PCNX2: variants seen among roughly 807,000 people sequenced by gnomAD.
PCNX2 encodes the protein pecanex-like protein 2.
In PCNX2, 168 loss-of-function variants were observed where a neutral mutation model predicts 223.8. The observed-to-expected ratio is 0.75, with a 90% confidence interval of 0.66 to 0.85. The LOEUF is 0.85. Among genes scored for constraint, PCNX2 ranks in the 40% least tolerant of loss-of-function variants. The pLI, the probability that PCNX2 is intolerant of heterozygous loss-of-function variation, is 0.00. For synonymous variants in PCNX2, 1,006 were observed against 1,052.6 expected, an observed-to-expected ratio of 0.96 and a Z score of 0.86; for missense variants, 2,507 against 2,675.5, an observed-to-expected ratio of 0.94 and a Z score of 1.39.
chr1:233,096,517 T>G (rs75426484), intron 21 of PCNX2, among the ~76,000 whole-genome samples: 2,552 of 152,104 alleles, frequency 0.017, 30 homozygotes, highest in East Asian at 0.044. Flanking sequence ...TGTCTTTAGA[T>G]CTCTGCATTG....
At chr1:233,243,699 T>C (rs1450332669) in intron 8 of PCNX2, among the ~76,000 whole-genome samples, 1 of 152,228 alleles carries the variant, frequency 6.6e-6, no homozygotes, top group East Asian at 1.9e-4. Flanking sequence ...TCTTTTGGTA[T>C]ATCAAGTCAC....
intron 10 of PCNX2, among the ~76,000 whole-genome samples, chr1:233,221,202 TA>T (rs1657358773): frequency 6.8e-6 from 1 of 147,398 alleles, no homozygotes; most frequent in Non-Finnish European, 1.5e-5. Flanking sequence ...TTTTTTTTTT[TA>T]ATCGGGGGAA....
chr1:232,984,717 C>G (rs150810859), intron 33 of PCNX2: 128 of 473,490 alleles, frequency 2.7e-4, no homozygotes, highest in African/African-American at 1.3e-3. Context: ...TTCTGGATGA[C>G]TGCGCTGGAA....
intron 25 of PCNX2, chr1:233,031,847 T>G (rs1671280024): frequency 1.0e-6 from 1 of 984,844 alleles, no homozygotes; most frequent in Non-Finnish European, 1.2e-6. Flanking sequence ...ATATACAACT[T>G]TTCTTCCCTC....
intron 15 of PCNX2, among the ~76,000 whole-genome samples, chr1:233,195,181 T>A (rs974109079): frequency 6.6e-6 from 1 of 152,276 alleles, no homozygotes; most frequent in East Asian, 1.9e-4. Context: ...CTGAACAATT[T>A]ATGTAATTCT....
chr1:233,202,069 T>C (rs2102898554), intron 13 of PCNX2: 1 of 400,246 alleles, frequency 2.5e-6, no homozygotes, highest in East Asian at 7.8e-5. Flanking sequence ...GGAGGTGGAA[T>C]GGGAGGAAGA....
At chr1:233,151,655 T>C (rs1314773761) in intron 19 of PCNX2, among the ~76,000 whole-genome samples, 1 of 152,052 alleles carries the variant, frequency 6.6e-6, no homozygotes, top group Non-Finnish European at 1.5e-5. Flanking sequence ...CTGTCCCAAG[T>C]CCTGTCTTTC....
chr1:233,277,078 G>A (rs1453956691), intron 1 of PCNX2, among the ~76,000 whole-genome samples: 3 of 152,202 alleles, frequency 2.0e-5, no homozygotes, highest in Non-Finnish European at 2.9e-5. Flanking sequence ...CAGACAATGG[G>A]CCAAAGTGTG....
Position 233,053,087 on chromosome 1 carries a change from G to A in PCNX2, c.4351+1181C>T, listed in dbSNP as rs184299013. 1.1e-4 allele frequency among the ~76,000 whole-genome samples: 17 copies of A among 152,098 alleles called. No individual in the cohort carries two copies. In the East Asian group the frequency reaches 2.5e-3, roughly 23 times the overall value. ...ACAGCCACCAGACCAATCTCTTAAA[G>A]TGTAGAGAGGGTCAACCATTCCCTC... On this transcript the variant is annotated intron_variant, in intron 25 of 33. Transcript: ENST00000258229.
chr1:233,218,600 C>G (rs1374489669), intron 10 of PCNX2, among the ~76,000 whole-genome samples: 1 of 152,102 alleles, frequency 6.6e-6, no homozygotes, highest in Non-Finnish European at 1.5e-5. Context: ...AAAAATGAAC[C>G]ATGACAACAC....
chr1:233,004,030 C>T (rs1004685802), intron 28 of PCNX2, among the ~76,000 whole-genome samples: 1 of 151,926 alleles, frequency 6.6e-6, no homozygotes, highest in African/African-American at 2.4e-5. Context: ...GGAGGGATAG[C>T]ATTAGGAGAA....
intron 19 of PCNX2, among the ~76,000 whole-genome samples, chr1:233,158,397 G>C (rs556818685): frequency 4.7e-4 from 72 of 152,226 alleles, no homozygotes; most frequent in African/African-American, 1.7e-3. Context: ...GAAAGGCACA[G>C]GTATAGGTAC....
chr1:233,087,255 G>T, intron 23 of PCNX2: 1 of 969,892 alleles, frequency 1.0e-6, no homozygotes, highest in South Asian at 4.8e-5. Flanking sequence ...GAAAGTGAGG[G>T]AGCAGAGGTG....
Position 233,295,286 on chromosome 1 carries a change from C to T in PCNX2, c.153+40G>A, listed in dbSNP as rs1254595814. 2 of 1,563,228 alleles carry T rather than the reference C, an allele frequency of 1.3e-6. No homozygotes were observed. ...GTGGTTCCTTTCTCCTTCTTCCCTC[C>T]ATACCCACAGCTCCCCGGGACCGGA... On this transcript the variant is annotated intron_variant, in intron 1 of 33. Transcript: ENST00000258229. The surrounding 1 kb of genome is among the most constrained non-coding windows in gnomAD (Gnocchi z 4.1).
intron 25 of PCNX2, among the ~76,000 whole-genome samples, chr1:233,028,934 G>A (rs1447355640): frequency 6.6e-6 from 1 of 151,104 alleles, no homozygotes; most frequent in Non-Finnish European, 1.5e-5. Flanking sequence ...TGCTTCCCGG[G>A]TTCAAGCCAT....
chr1:232,994,162 T>A (rs1293253354), intron 32 of PCNX2, among the ~76,000 whole-genome samples: 2 of 152,194 alleles, frequency 1.3e-5, no homozygotes, highest in Non-Finnish European at 2.9e-5. Context: ...CACTAACAGC[T>A]TGCACTGTGC....
chr1:233,289,953 T>C (rs771552150), intron 1 of PCNX2, among the ~76,000 whole-genome samples: 3 of 152,156 alleles, frequency 2.0e-5, no homozygotes, highest in Non-Finnish European at 4.4e-5. Context: ...TTGGAGAGGC[T>C]ACCTTTCCAT....
intron 15 of PCNX2, among the ~76,000 whole-genome samples, chr1:233,194,451 A>C (rs1389546989): frequency 6.6e-6 from 1 of 152,184 alleles, no homozygotes; most frequent in Admixed American, 6.5e-5. Flanking sequence ...ACACAAAGAA[A>C]TGTACATTGC....
intron 33 of PCNX2, chr1:232,984,994 T>C (rs1226864396): frequency 6.6e-6 from 1 of 152,500 alleles, no homozygotes; most frequent in East Asian, 1.9e-4. Flanking sequence ...AGAAGGGTGA[T>C]ACTTTGTACA....
Sources: allele counts gnomAD v4.1 joint callset (sites outside exome capture counted in the v4.1 genomes callset), GRCh38; gene constraint gnomAD v4.1.1; non-coding constraint Gnocchi (gnomAD v3.1); transcripts MANE v1.5; gene names NCBI Gene and HGNC (gene_info 2026-07-23, HGNC 2026-07-21).